The following DNM3 variants were observed in gnomAD, a reference collection of about 807,000 sequenced individuals.
The protein encoded by DNM3 is dynamin 3.
DNM3 carries 47 observed loss-of-function variants against 101.6 expected under a neutral mutation model. The observed-to-expected ratio is 0.46, with a 90% CI of 0.37 to 0.59. DNM3 has a LOEUF of 0.59. Among genes scored for constraint, DNM3 ranks in the 20% least tolerant of loss-of-function variants. The pLI, the probability that DNM3 is intolerant of heterozygous loss-of-function variation, is 0.00. For synonymous variants in DNM3, 385 were observed against 387.9 expected (o/e 0.99, Z 0.09); for missense variants, 849 against 1,085.7 (o/e 0.78, Z 3.06).
intron 17 of DNM3, among the ~76,000 whole-genome samples, chr1:172,368,275 A>T (rs1431988731): frequency 6.6e-6 from 1 of 151,886 alleles, no homozygotes; most frequent in African/African-American, 2.4e-5. Flanking sequence ...TATGAAATAT[A>T]TTTTCTTATC....
At chr1:172,144,164 C>G (rs1402936499) in intron 14 of DNM3, among the ~76,000 whole-genome samples, 1 of 150,282 alleles carries the variant, frequency 6.7e-6, no homozygotes, top group Middle Eastern at 3.2e-3. Context: ...TAAGAAAACA[C>G]TTGAATTATC....
intron 14 of DNM3, among the ~76,000 whole-genome samples, chr1:172,247,725 C>A (rs548198929): frequency 6.6e-6 from 1 of 150,910 alleles, no homozygotes; most frequent in African/African-American, 2.4e-5. Context: ...GCTCTTGTCA[C>A]CCAGGCTGGA....
rs2049975900 is a variant in DNM3, at chr1:172,048,484, G to A, written c.1197-128G>A. 1.5e-5 allele frequency: 16 copies of A among 1,079,602 alleles called. No individual in the cohort carries two copies. In the East Asian group the frequency reaches 4.1e-4, roughly 28 times the overall value. The allele number at this position is 1,079,602 out of a possible 1,614,324, so 66.9% of individuals were successfully genotyped here. ...GCCACATAAACATTTTGGGCACTAT[G>A]TAACTTTTAAACTTGGTCTATTACA... On this transcript the variant is annotated intron_variant, in intron 9 of 20. Transcript: ENST00000627582.
intron 14 of DNM3, among the ~76,000 whole-genome samples, chr1:172,165,744 CT>C (rs1300398384): frequency 3.3e-5 from 5 of 152,058 alleles, no homozygotes; most frequent in Admixed American, 3.3e-4. Flanking sequence ...GCATAGAAAT[CT>C]TTAATGCTTC....
At chr1:172,315,506 T>C (rs1388135192) in intron 16 of DNM3, among the ~76,000 whole-genome samples, 1 of 152,040 alleles carries the variant, frequency 6.6e-6, no homozygotes, top group East Asian at 1.9e-4. Flanking sequence ...TTTAGACAAA[T>C]GTATAACTAG....
At chr1:172,401,526 A>G (rs1385493300) in intron 20 of DNM3, among the ~76,000 whole-genome samples, 1 of 152,214 alleles carries the variant, frequency 6.6e-6, no homozygotes, top group Non-Finnish European at 1.5e-5. Flanking sequence ...TTCTGATTTC[A>G]AATTCCATGA....
chr1:172,179,778 C>T (rs1373822222), intron 14 of DNM3, among the ~76,000 whole-genome samples: 2 of 151,914 alleles, frequency 1.3e-5, no homozygotes, highest in Non-Finnish European at 2.9e-5. Flanking sequence ...AGCACTTCTT[C>T]ATATCTCACA....
intron 1 of DNM3, 21 bp downstream of exon 1, chr1:171,841,838 G>A (rs1213094452): frequency 6.3e-7 from 1 of 1,598,714 alleles, no homozygotes. Flanking sequence ...AGGGCGCGGA[G>A]TAAGGATGCG....
intron 10 of DNM3, among the ~76,000 whole-genome samples, chr1:172,057,989 G>T (rs1572302995): frequency 7.0e-6 from 1 of 142,808 alleles, no homozygotes; most frequent in South Asian, 2.2e-4. Flanking sequence ...AACATGAAAG[G>T]ATGGAGGAAG....
intron 13 of DNM3, among the ~76,000 whole-genome samples, chr1:172,123,690 G>A (rs899391128): frequency 1.3e-5 from 2 of 152,176 alleles, no homozygotes; most frequent in African/African-American, 4.8e-5. Flanking sequence ...TGTCCATCCA[G>A]ATCAATGTGA....
chr1:172,226,561 A>G (rs2061129790), intron 14 of DNM3, among the ~76,000 whole-genome samples: 1 of 152,196 alleles, frequency 6.6e-6, no homozygotes, highest in African/African-American at 2.4e-5. Context: ...CACCAGGCAT[A>G]TGACCTTAAG....
chr1:171,938,263 GTT>G (rs371444399), intron 2 of DNM3, among the ~76,000 whole-genome samples: 1 of 148,236 alleles, frequency 6.7e-6, no homozygotes, highest in South Asian at 2.1e-4. Flanking sequence ...TAGCATCAAG[GTT>G]TTTTTTTTGT....
chr1:172,027,350 C>G (rs1284146809), intron 4 of DNM3, among the ~76,000 whole-genome samples: 1 of 151,944 alleles, frequency 6.6e-6, no homozygotes. Context: ...TTTAGGATGC[C>G]GAGGTGGGTG....
chr1:172,412,147 T>C lies in DNM3; in HGVS notation c.*4306T>C. ...TGTTTGTCTTAAGACCTGTTCATAC[T>C]GGTATATTGGTGAGACTTCTCACTT... On this transcript the variant is annotated 3_prime_UTR_variant, in exon 21 of 21. Transcript: ENST00000627582. The C allele has an allele frequency of 1.0e-6, 1 of 985,816 alleles. No homozygotes were observed. The highest frequency in any genetic ancestry group is 1.2e-6 in the Non-Finnish European group (1 of 829,890). 61.1% of individuals were successfully genotyped at this position (985,816 alleles called of 1,614,324 possible).
chr1:172,193,775 C>T (rs1034581162), intron 14 of DNM3, among the ~76,000 whole-genome samples: 47 of 152,000 alleles, frequency 3.1e-4, no homozygotes, highest in Admixed American at 2.3e-3. Flanking sequence ...GTCTTGCTAG[C>T]GGTCTATCAA....
chr1:172,275,283 G>T (rs983304547), intron 15 of DNM3, among the ~76,000 whole-genome samples: 1 of 152,022 alleles, frequency 6.6e-6, no homozygotes, highest in Non-Finnish European at 1.5e-5. Context: ...GCTATCATCT[G>T]TGTGAATATA....
intron 14 of DNM3, chr1:172,144,640 T>A (rs1214981535): frequency 1.9e-6 from 1 of 532,824 alleles, no homozygotes; most frequent in Admixed American, 1.9e-5. Context: ...CTCCAGAAGC[T>A]TCCTTCTATG....
chr1:172,392,799 ACTT>A lies in DNM3; in HGVS notation c.2522+3991_2522+3993del, dbSNP rs2069636970. Among the ~76,000 whole-genome samples the A allele has an allele frequency of 2.6e-5, 4 of 152,176 alleles. 1 individual carries two copies. Among genetic ancestry groups the A allele is most frequent in the African/African-American group, 9.7e-5 (4 of 41,446 alleles). On this transcript the variant is annotated intron_variant, in intron 20 of 20. Transcript: ENST00000627582. ...TAACCTCATCACTCAATATTCAAGT[ACTT>A]TTTTTGACCACCCTTGTTCACCAAG... is the stretch of plus-strand genomic sequence containing the variant.
intron 18 of DNM3, chr1:172,386,919 C>T: frequency 2.0e-6 from 1 of 506,432 alleles, no homozygotes; most frequent in South Asian, 2.1e-5. Context: ...TCAGTGTGGA[C>T]AGCCAAAAGA....
Sources: allele counts gnomAD v4.1 joint callset (sites outside exome capture counted in the v4.1 genomes callset), GRCh38; gene constraint gnomAD v4.1.1; transcripts MANE v1.5; gene names NCBI Gene and HGNC (gene_info 2026-07-23, HGNC 2026-07-21).